The following NCALD variants were observed in gnomAD, a reference collection of about 807,000 sequenced individuals.
NCALD encodes neurocalcin delta.
A neutral mutation model predicts 18.6 loss-of-function variants in NCALD; 10 were observed. That is an observed-to-expected ratio of 0.54 (90% CI 0.33 to 0.91). The LOEUF (loss-of-function observed/expected upper bound fraction) is 0.91, where lower values mean the gene tolerates loss of function less well. NCALD is among the 40% of genes least tolerant of loss of function. NCALD has a pLI of 0.03. For missense variants in NCALD, 184 were observed against 247.6 expected (o/e 0.74, Z 1.72); for synonymous variants, 88 against 87.4 (o/e 1.01, Z -0.04).
intron 4 of NCALD, among the ~76,000 whole-genome samples, chr8:101,814,249 A>G (rs1357555907): frequency 6.6e-6 from 1 of 152,142 alleles, no homozygotes; most frequent in Non-Finnish European, 1.5e-5. Context: ...AAAATCTTCA[A>G]TAAAAAATTA....
intron 4 of NCALD, among the ~76,000 whole-genome samples, chr8:101,877,675 A>G (rs1298437899): frequency 6.6e-6 from 1 of 152,234 alleles, no homozygotes; most frequent in East Asian, 1.9e-4. Flanking sequence ...ACTCCCTAGG[A>G]GAAATCCTGA....
At position 101,996,450 on chromosome 8, in the gene NCALD, C is replaced by T. The variant is rs769482099; in HGVS notation, c.-157+23787G>A. Reference sequence around the variant, plus strand: ...CAAGTGGACATGATCTGGGTTCCTACAGCACCGAGCATTGGATCTTGCCCA... The same window carrying T: ...CAAGTGGACATGATCTGGGTTCCTATAGCACCGAGCATTGGATCTTGCCCA... On this transcript the variant is annotated intron_variant, in intron 2 of 6. Transcript: ENST00000311028. 7.3e-4 allele frequency among the ~76,000 whole-genome samples: 111 copies of T among 152,354 alleles called. 1 individual carries two copies. The Middle Eastern group carries it at 0.017, about 23-fold the overall frequency.
intron 4 of NCALD, among the ~76,000 whole-genome samples, chr8:101,834,039 C>T (rs1311602114): frequency 6.6e-6 from 1 of 152,136 alleles, no homozygotes; most frequent in Non-Finnish European, 1.5e-5. Context: ...AAGTTAAGTC[C>T]ATTCTTTTCT....
chr8:101,819,173 T>C (rs1813616155), intron 4 of NCALD, among the ~76,000 whole-genome samples: 1 of 152,140 alleles, frequency 6.6e-6, no homozygotes, highest in African/African-American at 2.4e-5. Context: ...ACTGTAATTG[T>C]TACTGACACT....
At chr8:101,810,351 A>C (rs916634100) in intron 4 of NCALD, among the ~76,000 whole-genome samples, 3 of 152,214 alleles carry the variant, frequency 2.0e-5, no homozygotes, top group African/African-American at 7.2e-5. Flanking sequence ...CAAATTTAGC[A>C]GTGTATCTCG....
chr8:101,966,654 G>A (rs1820045008), intron 2 of NCALD, among the ~76,000 whole-genome samples: 1 of 151,582 alleles, frequency 6.6e-6, no homozygotes, highest in African/African-American at 2.4e-5. Context: ...TAAAAAAAAA[G>A]AATGTGGTAA....
Position 101,930,337 on chromosome 8 carries a change from C to T in NCALD, c.-156-14479G>A, listed in dbSNP as rs182179350. ...CTGATTCCCAAAATGCCTCTGGCTACTCCAACGCCATCTCCCTGCTGATCA... is the reference window on the plus strand; with the variant it reads ...CTGATTCCCAAAATGCCTCTGGCTATTCCAACGCCATCTCCCTGCTGATCA... On this transcript the variant is annotated intron_variant, in intron 2 of 6. Coordinates refer to the NCALD transcript ENST00000311028. Among the ~76,000 whole-genome samples the T allele has an allele frequency of 2.8e-4, 42 of 152,244 alleles. No homozygotes were observed. In the East Asian group the frequency reaches 6.2e-3, roughly 22 times the overall value.
intron 3 of NCALD, among the ~76,000 whole-genome samples, chr8:101,910,608 T>C (rs1247294388): frequency 6.6e-6 from 1 of 152,162 alleles, no homozygotes; most frequent in African/African-American, 2.4e-5. Context: ...AAGACAGATA[T>C]AATGTACAAA....
intron 1 of NCALD, among the ~76,000 whole-genome samples, chr8:101,777,952 C>T (rs1487167596): frequency 1.3e-5 from 2 of 152,128 alleles, no homozygotes; most frequent in African/African-American, 4.8e-5. Context: ...CTGTTCTTCT[C>T]AACAGAACCC....
chr8:102,124,843 C>G (rs1158985914), upstream of NCALD: 1 of 152,158 alleles, frequency 6.6e-6, no homozygotes, highest in Non-Finnish European at 1.5e-5. Context: ...CTACCCAAAG[C>G]CTTCTGTAAA....
intron 2 of NCALD, among the ~76,000 whole-genome samples, chr8:101,996,131 A>G (rs1033353134): frequency 1.3e-5 from 2 of 152,242 alleles, no homozygotes; most frequent in African/African-American, 4.8e-5. Flanking sequence ...GGCATTCAGT[A>G]AATTGTCTTG....
intron 1 of NCALD, among the ~76,000 whole-genome samples, chr8:102,080,574 A>G (rs747402024): frequency 1.6e-4 from 24 of 152,198 alleles, no homozygotes; most frequent in Non-Finnish European, 2.4e-4. Context: ...GGAATTTAAC[A>G]GGTGTTCCCA....
chr8:102,050,113 G>C (rs1251472708), intron 1 of NCALD, among the ~76,000 whole-genome samples: 3 of 133,092 alleles, frequency 2.3e-5, no homozygotes, highest in African/African-American at 8.4e-5. Flanking sequence ...AGTGAGCCGA[G>C]ATTGCGCCAC....
At chr8:101,948,214 G>A (rs533109849) in intron 2 of NCALD, among the ~76,000 whole-genome samples, 1 of 152,358 alleles carries the variant, frequency 6.6e-6, no homozygotes, top group Non-Finnish European at 1.5e-5. Context: ...CCCTGGCCTG[G>A]ACTAAGGTAT....
intron 2 of NCALD, among the ~76,000 whole-genome samples, chr8:102,008,156 T>C (rs1285289593): frequency 6.6e-6 from 1 of 152,234 alleles, no homozygotes; most frequent in East Asian, 1.9e-4. Flanking sequence ...GCACCTATTA[T>C]GTGCTGGCCA....
At chr8:101,743,218 C>T (rs1810287626) in intron 1 of NCALD, among the ~76,000 whole-genome samples, 2 of 152,128 alleles carry the variant, frequency 1.3e-5, no homozygotes, top group Non-Finnish European at 2.9e-5. Flanking sequence ...ATTCCATCTC[C>T]CTTTCAGTTA....
At chr8:102,067,598 G>A (rs1824052187) in intron 1 of NCALD, among the ~76,000 whole-genome samples, 2 of 152,100 alleles carry the variant, frequency 1.3e-5, no homozygotes, top group South Asian at 4.1e-4. Context: ...CACAGAAAAC[G>A]TAATTTTTGA....
intron 2 of NCALD, among the ~76,000 whole-genome samples, chr8:101,708,405 A>G (rs1325981544): frequency 6.6e-6 from 1 of 152,236 alleles, no homozygotes; most frequent in Non-Finnish European, 1.5e-5. Context: ...CAAACATGTT[A>G]TAACAAAATT....
At chr8:102,084,001 T>G (rs935000452) in intron 1 of NCALD, among the ~76,000 whole-genome samples, 1 of 152,220 alleles carries the variant, frequency 6.6e-6, no homozygotes, top group African/African-American at 2.4e-5. Flanking sequence ...ACCTACCTCA[T>G]GGGCCTGCTG....
Sources: allele counts gnomAD v4.1 joint callset (sites outside exome capture counted in the v4.1 genomes callset), GRCh38; gene constraint gnomAD v4.1.1; transcripts MANE v1.5; gene names NCBI Gene and HGNC (gene_info 2026-07-23, HGNC 2026-07-21).